BET1L: variants seen among roughly 807,000 people sequenced by gnomAD.
The protein encoded by BET1L is BET1-like protein.
BET1L carries 13 observed loss-of-function variants against 12.6 expected under a neutral mutation model. That is an observed-to-expected ratio of 1.03 (90% confidence interval 0.67 to 1.64). BET1L has a LOEUF of 1.64. Among genes scored for constraint, BET1L ranks in the 40% most tolerant of loss-of-function variants. The pLI, the probability that BET1L is intolerant of heterozygous loss-of-function variation, is 0.00. For missense variants in BET1L, 154 were observed against 150.7 expected (o/e 1.02, Z -0.11); for synonymous variants, 60 against 56.9 (o/e 1.05, Z -0.25).
In BET1L at chr11:207,384, G is replaced by A. The variant is rs374402012; in HGVS notation, c.-63C>T. 161 of 1,269,232 alleles carry A rather than the reference G, an allele frequency of 1.3e-4. No individual in the cohort carries two copies. The highest frequency in any genetic ancestry group is 3.1e-4 in the Admixed American group (8 of 25,428). The allele number at this position is 1,269,232 out of a possible 1,614,324, so 78.6% of individuals were successfully genotyped here. On this transcript the variant is annotated 5_prime_UTR_variant, in exon 1 of 4. Transcript: ENST00000382762. ...CGGCCACAGCCGCCTCAGACGTGGCGCAGTCGCGGGGAAAGAGCTTCCGGC... is the reference window on the plus strand; with the variant it reads ...CGGCCACAGCCGCCTCAGACGTGGCACAGTCGCGGGGAAAGAGCTTCCGGC...
rs11551933 is a variant in BET1L at position 205,113 on chromosome 11, T to C, written c.*189A>G. The stretch of plus-strand genomic sequence containing the variant: ...TCCCCGAGAGAGTCCCTTTCACACA[T>C]GGGACCAGCCAACATGAGCTCATCA... On this transcript the variant is annotated 3_prime_UTR_variant, in exon 4 of 4. Coordinates refer to ENST00000382762, the MANE Select transcript of BET1L (RefSeq NM_001098787.2). 51,032 of 747,992 alleles carry C rather than the reference T, an allele frequency of 0.068. 1,961 individuals are homozygous for C. The highest frequency in any genetic ancestry group is 0.077 in the Non-Finnish European group (37,012 of 480,108). 46.3% of individuals were successfully genotyped at this position (747,992 alleles called of 1,614,324 possible). A position where few individuals can be genotyped will look rare whatever the true frequency, so the allele number is the denominator to read the frequency against.
At position 205,093 on chromosome 11, in the gene BET1L, G is replaced by A. The variant is rs546963687; in HGVS notation, c.*209C>T. ...GGAGGGGCTGGGCCTTGGTTTCCCC[G>A]AGAGAGTCCCTTTCACACATGGGAC... On this transcript the variant is annotated 3_prime_UTR_variant, in exon 4 of 4. Transcript: ENST00000382762. 182 of 647,424 alleles carry A rather than the reference G, an allele frequency of 2.8e-4. No homozygotes were observed. Among genetic ancestry groups the A allele is most frequent in the Middle Eastern group, 4.6e-4 (1 of 2,164 alleles). 40.1% of individuals were successfully genotyped at this position (647,424 alleles called of 1,614,324 possible).
In BET1L at chr11:205,221, G is replaced by T. The variant is rs911577857; in HGVS notation, c.*81C>A. The T allele has an allele frequency of 7.5e-6, 11 of 1,466,068 alleles. No individual in the cohort carries two copies. Among genetic ancestry groups the T allele is most frequent in the Non-Finnish European group, 1.0e-5 (11 of 1,093,280 alleles). 90.8% of individuals were successfully genotyped at this position (1,466,068 alleles called of 1,614,324 possible). A position where few individuals can be genotyped will look rare whatever the true frequency, so the allele number is the denominator to read the frequency against. On this transcript the variant is annotated 3_prime_UTR_variant, in exon 4 of 4. Transcript: ENST00000382762. ...ATCATTGCAAAGGAGTATTTTGTAG[G>T]TAAGTCCTCTGGAGCCCAAAACACC...
rs191627516 is a variant in BET1L at position 203,368 on chromosome 11, A to C, written c.*1934T>G. ...CAGTGACTGAGTCTGAGAGACAGCAAAGCACCTCTCCAGCGAAAGCCACTC... is the reference window on the plus strand; with the variant it reads ...CAGTGACTGAGTCTGAGAGACAGCACAGCACCTCTCCAGCGAAAGCCACTC... On this transcript the variant is annotated 3_prime_UTR_variant, in exon 4 of 4. Coordinates refer to ENST00000382762, the MANE Select transcript of BET1L (RefSeq NM_001098787.2). 27 of 152,322 alleles carry C rather than the reference A, an allele frequency of 1.8e-4. No homozygotes were observed. Among genetic ancestry groups the C allele is most frequent in the African/African-American group, 6.5e-4 (27 of 41,554 alleles). The allele number at this position is 152,322 out of a possible 1,614,324, so 9.4% of individuals were successfully genotyped here. A position where few individuals can be genotyped will look rare whatever the true frequency, so the allele number is the denominator to read the frequency against.
intron 1 of BET1L, among the ~76,000 whole-genome samples, chr11:206,335 G>C (rs1855154533): frequency 6.6e-6 from 1 of 152,190 alleles, no homozygotes; most frequent in Non-Finnish European, 1.5e-5. Context: ...CCCAGCCCTG[G>C]GGTGCTAGTA....
rs1259536462 is a variant in BET1L at position 205,063 on chromosome 11, A to AGGGGGGG, written c.*238_*239insCCCCCCC. ...TGCCTGGCTCTCTAGCACCTGGGGG[A>AGGGGGGG]GGGGGGAGGGGCTGGGCCTTGGTTT... On this transcript the variant is annotated 3_prime_UTR_variant, in exon 4 of 4. Coordinates refer to ENST00000382762, the MANE Select transcript of BET1L (RefSeq NM_001098787.2). 4 of 463,676 alleles carry AGGGGGGG rather than the reference A, an allele frequency of 8.6e-6. No homozygotes were observed. Among genetic ancestry groups the AGGGGGGG allele is most frequent in the South Asian group, 2.2e-5 (1 of 44,484 alleles). 28.7% of individuals were successfully genotyped at this position (463,676 alleles called of 1,614,324 possible). A position where few individuals can be genotyped will look rare whatever the true frequency, so the allele number is the denominator to read the frequency against.
At position 207,379 on chromosome 11, in the gene BET1L, G is replaced by GTGGCCACAGCCGCCTCAGACA. The variant is rs1855203232; in HGVS notation, c.-59_-58insTGTCTGAGGCGGCTGTGGCCA. 8.0e-6 allele frequency: 12 copies of GTGGCCACAGCCGCCTCAGACA among 1,507,458 alleles called. No individual in the cohort carries two copies. The highest frequency in any genetic ancestry group is 2.3e-4 in the Middle Eastern group (1 of 4,436). The allele number at this position is 1,507,458 out of a possible 1,614,324, so 93.4% of individuals were successfully genotyped here. A position where few individuals can be genotyped will look rare whatever the true frequency, so the allele number is the denominator to read the frequency against. On this transcript the variant is annotated 5_prime_UTR_variant, in exon 1 of 4. It adds an upstream start codon to the 5' untranslated region. Coordinates refer to ENST00000382762, the MANE Select transcript of BET1L (RefSeq NM_001098787.2). Reference sequence around the variant, plus strand: ...CGACGCGGCCACAGCCGCCTCAGACGTGGCGCAGTCGCGGGGAAAGAGCTT... The same window carrying GTGGCCACAGCCGCCTCAGACA: ...CGACGCGGCCACAGCCGCCTCAGACGTGGCCACAGCCGCCTCAGACATGGCGCAGTCGCGGGGAAAGAGCTT...
In BET1L at chr11:205,242, ACAC is replaced by A; in HGVS notation, c.*57_*59del. ...GTAGGTAAGTCCTCTGGAGCCCAAA[ACAC>A]CAGGCAGGGAAGACCCTGGCTGCCC... On this transcript the variant is annotated 3_prime_UTR_variant, in exon 4 of 4. Transcript: ENST00000382762. 6.4e-7 allele frequency: 1 copy of A among 1,553,708 alleles called. No homozygotes were observed. Among genetic ancestry groups the A allele is most frequent in the South Asian group, 1.2e-5 (1 of 82,894 alleles).
At position 207,355 on chromosome 11, in the gene BET1L, G is replaced by A. The variant is rs769287068; in HGVS notation, c.-34C>T. ...GCCCCGGCTCCTCGACGCGGACACCGACGCGGCCACAGCCGCCTCAGACGT... is the reference window on the plus strand; with the variant it reads ...GCCCCGGCTCCTCGACGCGGACACCAACGCGGCCACAGCCGCCTCAGACGT... On this transcript the variant is annotated 5_prime_UTR_variant, in exon 1 of 4. Transcript: ENST00000382762. 3 of 1,548,212 alleles carry A rather than the reference G, an allele frequency of 1.9e-6. No homozygotes were observed. In the South Asian group the frequency reaches 3.5e-5, roughly 18 times the overall value.
At chr11:206,707 CA>C (rs1188558163) in intron 1 of BET1L, among the ~76,000 whole-genome samples, 4 of 152,168 alleles carry the variant, frequency 2.6e-5, no homozygotes, top group Non-Finnish European at 4.4e-5. Flanking sequence ...CAGGCTGGGC[CA>C]GGGGATAAGG....
In BET1L at chr11:207,334, C is replaced by A; in HGVS notation, c.-13G>T. 7.6e-7 allele frequency: 1 copy of A among 1,308,130 alleles called. No individual in the cohort carries two copies. The highest frequency in any genetic ancestry group is 2.2e-5 in the Admixed American group (1 of 44,750). The allele number at this position is 1,308,130 out of a possible 1,614,324, so 81.0% of individuals were successfully genotyped here. ...CCCAGTCCGCCATCGTGCCCTGCCC[C>A]GGCTCCTCGACGCGGACACCGACGC... On this transcript the variant is annotated 5_prime_UTR_variant, in exon 1 of 4. Transcript: ENST00000382762.
intron 3 of BET1L, 50 bp downstream of exon 3, chr11:205,561 C>G: frequency 1.2e-6 from 2 of 1,614,124 alleles, no homozygotes; most frequent in Non-Finnish European, 1.7e-6. Context: ...GGCTCTGCAG[C>G]AGGTAGTGCT....
chr11:205,347 C>T lies in BET1L; in HGVS notation c.291G>A (p.Val97=). 6.2e-7 allele frequency: 1 copy of T among 1,613,990 alleles called. No individual in the cohort carries two copies. Among genetic ancestry groups the T allele is most frequent in the South Asian group, 1.1e-5 (1 of 91,052 alleles). The change falls in exon 4 of 4, where the codon GTG becomes GTA. Residue 97 remains valine, a synonymous_variant. Coordinates refer to ENST00000382762, the MANE Select transcript of BET1L (RefSeq NM_001098787.2). ...LLCGMAVGLI[V]AFFILSYFLS... ...AGAAGTAGGAGAGGATGAAGAAGGC[C>T]ACAATTAGACCCACGGCCATGCCAC...
chr11:203,415 A>T lies in BET1L; in HGVS notation c.*1887T>A, dbSNP rs1196010109. ...ACTCCGAGATGCAGCCTAACTTCCTAGTTTGCATCAGCAAGATGAGCAGGC... is the reference window on the plus strand; with the variant it reads ...ACTCCGAGATGCAGCCTAACTTCCTTGTTTGCATCAGCAAGATGAGCAGGC... On this transcript the variant is annotated 3_prime_UTR_variant, in exon 4 of 4. Coordinates refer to ENST00000382762, the MANE Select transcript of BET1L (RefSeq NM_001098787.2). 1 of 152,428 alleles carries T rather than the reference A, an allele frequency of 6.6e-6. No individual in the cohort carries two copies. Among genetic ancestry groups the T allele is most frequent in the Non-Finnish European group, 1.5e-5 (1 of 68,056 alleles). 9.4% of individuals were successfully genotyped at this position (152,428 alleles called of 1,614,324 possible).
Position 205,194 on chromosome 11 carries a change from T to C in BET1L, c.*108A>G, listed in dbSNP as rs554369841. 2 of 1,364,252 alleles carry C rather than the reference T, an allele frequency of 1.5e-6. No homozygotes were observed. The highest frequency in any genetic ancestry group is 2.0e-6 in the Non-Finnish European group (2 of 1,019,324). The allele number at this position is 1,364,252 out of a possible 1,614,324, so 84.5% of individuals were successfully genotyped here. ...CAGGAAGAAGATTCCTGACCCACAA[T>C]TATCATTGCAAAGGAGTATTTTGTA... On this transcript the variant is annotated 3_prime_UTR_variant, in exon 4 of 4. Transcript: ENST00000382762.
chr11:205,394 G>A lies in BET1L; in HGVS notation c.244C>T (p.Gln82Ter). The A allele has an allele frequency of 6.2e-7, 1 of 1,614,202 alleles. No homozygotes were observed. Among genetic ancestry groups the A allele is most frequent in the Non-Finnish European group, 8.5e-7 (1 of 1,180,052 alleles). Residue 82 changes from glutamine to a stop codon, truncating the protein, a stop_gained, in exon 4 of 4, where the codon CAA (glutamine) becomes TAA (stop). Coordinates refer to ENST00000382762, the MANE Select transcript of BET1L (RefSeq NM_001098787.2). LOFTEE classifies it high-confidence loss of function. ...KRFSTMARSG[Q>*]DNRKLLCGMA... The stretch of plus-strand genomic sequence containing the variant: ...CCACATAGAAGCTTCCGGTTGTCTT[G>A]TCCGGACCTTGCCATTGTGGAAAAG...
At chr11:205,830 C>T in intron 2 of BET1L, 122 bp downstream of exon 2, 1 of 1,435,298 alleles carries the variant, frequency 7.0e-7, no homozygotes, top group Non-Finnish European at 9.6e-7. Context: ...TGCAGGTGAG[C>T]ACAGCCACGA....
Position 203,497 on chromosome 11 carries a change from C to T in BET1L, c.*1805G>A, listed in dbSNP as rs1855081120. On this transcript the variant is annotated 3_prime_UTR_variant, in exon 4 of 4. Transcript: ENST00000382762. Reference sequence around the variant, plus strand: ...TGGTTACCACAGCTCAGCCACATTCCCCAGAAACGGAGGTCAGCCCTCCAT... The same window carrying T: ...TGGTTACCACAGCTCAGCCACATTCTCCAGAAACGGAGGTCAGCCCTCCAT... The T allele has an allele frequency of 6.6e-6, 1 of 152,576 alleles. No individual in the cohort carries two copies. Among genetic ancestry groups the T allele is most frequent in the Non-Finnish European group, 1.5e-5 (1 of 68,086 alleles). 9.5% of individuals were successfully genotyped at this position (152,576 alleles called of 1,614,324 possible). A position where few individuals can be genotyped will look rare whatever the true frequency, so the allele number is the denominator to read the frequency against.
intron 1 of BET1L, chr11:206,892 A>G: frequency 4.4e-6 from 1 of 226,784 alleles, no homozygotes; most frequent in Admixed American, 5.9e-5. Flanking sequence ...GGGCTCCAGG[A>G]GGGGAAATGG....
Sources: allele counts gnomAD v4.1 joint callset (sites outside exome capture counted in the v4.1 genomes callset), GRCh38; gene constraint gnomAD v4.1.1; transcripts MANE v1.5; gene names NCBI Gene and HGNC (gene_info 2026-07-23, HGNC 2026-07-21).